The following RAB6B variants were observed in gnomAD, a reference collection of about 807,000 sequenced individuals.
RAB6B encodes RAB6B, member RAS oncogene family.
Under a neutral mutation model 31.2 loss-of-function variants are expected in RAB6B, and 7 were observed. The observed-to-expected ratio is 0.22, with a 90% CI of 0.13 to 0.42. RAB6B has a LOEUF of 0.42. RAB6B is among the 10% of genes least tolerant of loss of function. The probability of loss-of-function intolerance (pLI) is 1.00; values close to 1 mark genes in which losing one functional copy is unlikely to be tolerated. For synonymous variants in RAB6B, 105 were observed against 104.9 expected (o/e 1.00, Z -0.01); for missense variants, 149 against 280.6 (o/e 0.53, Z 3.35).
chr3:133,874,148 T>G (rs180844065), intron 1 of RAB6B, among the ~76,000 whole-genome samples: 8 of 152,310 alleles, frequency 5.3e-5, no homozygotes, highest in African/African-American at 7.2e-5. Flanking sequence ...CTGAAAAATA[T>G]CTACCTTTAA....
chr3:133,831,069 T>C (rs1023508491), intron 7 of RAB6B, among the ~76,000 whole-genome samples: 18 of 152,242 alleles, frequency 1.2e-4, no homozygotes, highest in Admixed American at 9.2e-4. Context: ...CTGCCCAGTA[T>C]TGAAGTCACC....
chr3:133,844,314 C>G (rs1935878095), intron 2 of RAB6B, among the ~76,000 whole-genome samples: 1 of 152,232 alleles, frequency 6.6e-6, no homozygotes, highest in African/African-American at 2.4e-5. Flanking sequence ...TCTTCTCCAG[C>G]TCTCTCTTAA....
At chr3:133,832,839 A>G (rs1157255818) in intron 7 of RAB6B, among the ~76,000 whole-genome samples, 5 of 152,184 alleles carry the variant, frequency 3.3e-5, no homozygotes, top group Non-Finnish European at 7.3e-5. Flanking sequence ...CTTTCTCCCA[A>G]GGGGCCCAAA....
Position 133,859,829 on chromosome 3 carries a change from T to G in RAB6B, c.129+4755A>C, listed in dbSNP as rs377490112. 4.7e-4 allele frequency among the ~76,000 whole-genome samples: 71 copies of G among 152,304 alleles called. 2 individuals are homozygous for G. The highest frequency in any genetic ancestry group is 1.6e-3 in the African/African-American group (67 of 41,556). Reference sequence around the variant, plus strand: ...CTGATTTATGGGCTGAGCAGCCAGATAAGTGGCCTGCAGACACAATGGCCA... The same window carrying G: ...CTGATTTATGGGCTGAGCAGCCAGAGAAGTGGCCTGCAGACACAATGGCCA... On this transcript the variant is annotated intron_variant, in intron 2 of 7. Transcript: ENST00000285208.
chr3:133,841,827 G>C (rs141085085), intron 2 of RAB6B, among the ~76,000 whole-genome samples, 164 bp from the exon 3 acceptor site: 2 of 152,154 alleles, frequency 1.3e-5, no homozygotes, highest in Non-Finnish European at 2.9e-5. Flanking sequence ...ACCACTCAGC[G>C]GCTCTCTCAC....
chr3:133,838,932 A>G (rs7631146), intron 5 of RAB6B, among the ~76,000 whole-genome samples: 1,550 of 152,328 alleles, frequency 0.01, 32 homozygotes, highest in African/African-American at 0.036. Context: ...TGAGTGGACA[A>G]TGTACACACA....
At chr3:133,855,404 A>G (rs1295725945) in intron 2 of RAB6B, among the ~76,000 whole-genome samples, 1 of 152,254 alleles carries the variant, frequency 6.6e-6, no homozygotes, top group Non-Finnish European at 1.5e-5. Flanking sequence ...CCCAATGGAG[A>G]GTGGCTTGTA....
chr3:133,893,776 C>T (rs1936669596), intron 1 of RAB6B, among the ~76,000 whole-genome samples: 1 of 152,114 alleles, frequency 6.6e-6, no homozygotes. Context: ...CTGCCTGATC[C>T]CTGCAGGTTA....
intron 2 of RAB6B, among the ~76,000 whole-genome samples, chr3:133,842,207 T>C (rs1935846543): frequency 6.6e-6 from 1 of 152,214 alleles, no homozygotes; most frequent in African/African-American, 2.4e-5. Context: ...GAGTGGCCTC[T>C]CGCTGGGAGG....
In RAB6B at chr3:133,895,647, G is replaced by A. The variant is rs1028679379; in HGVS notation, c.-181C>T. On this transcript the variant is annotated 5_prime_UTR_variant, in exon 1 of 8. Transcript: ENST00000285208. ...CCCGGCCTGCGGCTGCGTGTCCGGC[G>A]GCGGAGGAGGAGGAGGAGAGAGAGG... The A allele has an allele frequency of 3.5e-5, 22 of 620,120 alleles. No homozygotes were observed. The African/African-American group carries it at 3.6e-4, about 10-fold the overall frequency. The allele number at this position is 620,120 out of a possible 1,614,324, so 38.4% of individuals were successfully genotyped here.
chr3:133,895,243 C>T (rs1936691680), intron 1 of RAB6B, among the ~76,000 whole-genome samples, 154 bp downstream of exon 1: 2 of 152,158 alleles, frequency 1.3e-5, no homozygotes, highest in South Asian at 4.1e-4. Flanking sequence ...CCTCCCCAGC[C>T]CGACCCCGCC....
At position 133,824,341 on chromosome 3, in the gene RAB6B, C is replaced by T. The variant is rs1456765755; in HGVS notation, c.*4447G>A. ...CAACATGGCGGCTATGTCTTCTGAG[C>T]CCATAACAGATGGAATTGCCACCCT... On this transcript the variant is annotated 3_prime_UTR_variant, in exon 8 of 8. Transcript: ENST00000285208. 2 of 152,186 alleles carry T rather than the reference C, an allele frequency of 1.3e-5. No homozygotes were observed. The highest frequency in any genetic ancestry group is 1.3e-4 in the Admixed American group (2 of 15,276). 9.4% of individuals were successfully genotyped at this position (152,186 alleles called of 1,614,324 possible).
intron 1 of RAB6B, among the ~76,000 whole-genome samples, chr3:133,866,153 G>A (rs1056741939): frequency 6.6e-6 from 1 of 152,200 alleles, no homozygotes; most frequent in African/African-American, 2.4e-5. Context: ...AAAGTGGAAG[G>A]AGGCAGCAGG....
In RAB6B at chr3:133,867,470, C is replaced by T. The variant is rs188225189; in HGVS notation, c.71-2828G>A. Reference sequence around the variant, plus strand: ...CTAATGTCATCCACATTTCACACAACGGGCATTAAGGTGACAGCTCCTGCA... The same window carrying T: ...CTAATGTCATCCACATTTCACACAATGGGCATTAAGGTGACAGCTCCTGCA... On this transcript the variant is annotated intron_variant, in intron 1 of 7. Coordinates refer to ENST00000285208, the MANE Select transcript of RAB6B (RefSeq NM_016577.4). 5.9e-5 allele frequency among the ~76,000 whole-genome samples: 9 copies of T among 152,334 alleles called. No individual in the cohort carries two copies. In the East Asian group the frequency reaches 1.4e-3, roughly 23 times the overall value.
intron 6 of RAB6B, among the ~76,000 whole-genome samples, chr3:133,835,787 G>A (rs9838386): frequency 0.35 from 53,821 of 151,796 alleles, 11,166 homozygotes; most frequent in Non-Finnish European, 0.46. Context: ...GAGCCTGTCT[G>A]CCCCTTCCAC....
chr3:133,872,790 G>A (rs560269421), intron 1 of RAB6B, among the ~76,000 whole-genome samples: 1 of 152,340 alleles, frequency 6.6e-6, no homozygotes, highest in South Asian at 2.1e-4. Flanking sequence ...TAAGAAATAT[G>A]CAAAGCTCTT....
intron 7 of RAB6B, among the ~76,000 whole-genome samples, chr3:133,833,254 G>A (rs771686242): frequency 4.6e-5 from 7 of 152,256 alleles, no homozygotes; most frequent in South Asian, 2.1e-4. Flanking sequence ...ACTGAGAGCC[G>A]TGGGGTGCCC....
chr3:133,878,374 T>C (rs1184375421), intron 1 of RAB6B, among the ~76,000 whole-genome samples: 1 of 152,148 alleles, frequency 6.6e-6, no homozygotes, highest in East Asian at 1.9e-4. Flanking sequence ...AAGAAGGCAA[T>C]GGTGCAATAT....
chr3:133,836,968 CAGA>C (rs1217430612), intron 6 of RAB6B, among the ~76,000 whole-genome samples: 1 of 152,230 alleles, frequency 6.6e-6, no homozygotes, highest in Non-Finnish European at 1.5e-5. Context: ...TCACTGCATC[CAGA>C]AGGCCAGTGC....
Sources: allele counts gnomAD v4.1 joint callset (sites outside exome capture counted in the v4.1 genomes callset), GRCh38; gene constraint gnomAD v4.1.1; transcripts MANE v1.5; gene names NCBI Gene and HGNC (gene_info 2026-07-23, HGNC 2026-07-21).